NPHP3: variants seen among roughly 807,000 people sequenced by gnomAD.
The protein encoded by NPHP3 is nephrocystin-3.
A neutral mutation model predicts 171.9 loss-of-function variants in NPHP3; 123 were observed. The ratio of observed to expected loss-of-function variants is 0.72; its 90% confidence interval spans 0.62 to 0.83. NPHP3 has a LOEUF of 0.83. NPHP3 is among the 40% of genes least tolerant of loss of function. The pLI is 0.00. For synonymous variants in NPHP3, 558 were observed against 579.2 expected, an observed-to-expected ratio of 0.96 and a Z score of 0.52; for missense variants, 1,506 against 1,591.9, an observed-to-expected ratio of 0.95 and a Z score of 0.92.
At chr3:132,718,650 T>C (rs556971139) in intron 3 of NPHP3, among the ~76,000 whole-genome samples, 1 of 152,322 alleles carries the variant, frequency 6.6e-6, no homozygotes, top group African/African-American at 2.4e-5. Flanking sequence ...AGGTTGTACC[T>C]TCTGGGAAAG....
rs1413075535 is a variant in NPHP3, at chr3:132,691,252, C to T, written c.2510G>A (p.Gly837Asp). ...CCTGTATGAAGAAGTAACAGTGGGGCCTTCCAGGTACTCCAATCTCACTGT... is the reference window on the plus strand; with the variant it reads ...CCTGTATGAAGAAGTAACAGTGGGGTCTTCCAGGTACTCCAATCTCACTGT... Reference protein sequence around the residue: ...WETVRLEYLEGPTVTSSYRQK... With the variant: ...WETVRLEYLEDPTVTSSYRQK... Residue 837 changes from glycine to aspartate, a missense_variant, in exon 18 of 27, where the codon GGC (glycine) becomes GAC (aspartate). Gly to Asp is a moderately conservative substitution (Grantham distance 94, BLOSUM62 -1). This residue lies in a region of NPHP3 where 569 missense variants were observed against 648.1 expected (regional missense o/e 0.88). Coordinates refer to ENST00000337331, the MANE Select transcript of NPHP3 (RefSeq NM_153240.5). 1 of 1,613,106 alleles carries T rather than the reference C, an allele frequency of 6.2e-7. No homozygotes were observed. Among genetic ancestry groups the T allele is most frequent in the Non-Finnish European group, 8.5e-7 (1 of 1,179,388 alleles).
Position 132,719,043 on chromosome 3 carries a change from T to C in NPHP3, c.621A>G (p.Val207=), listed in dbSNP as rs139693694. ...CTGAATCAGACTCCCCAGGATCAAATACTTGGATACCCTGAGCCTGTAGCC... is the reference window on the plus strand; with the variant it reads ...CTGAATCAGACTCCCCAGGATCAAACACTTGGATACCCTGAGCCTGTAGCC... ...LQRLQAQGIQ[V]FDPGESDSDD... Residue 207 remains valine (V), a synonymous_variant, in exon 3 of 27, where the codon GTA becomes GTG. Transcript: ENST00000337331. 2.7e-5 allele frequency: 43 copies of C among 1,614,104 alleles called. No homozygotes were observed. The African/African-American group carries it at 4.7e-4, about 18-fold the overall frequency.
chr3:132,696,872 C>G, intron 14 of NPHP3, 59 bp from the exon 15 acceptor site: 1 of 1,339,818 alleles, frequency 7.5e-7, no homozygotes, highest in Non-Finnish European at 1.1e-6. Flanking sequence ...TGGAATTAAG[C>G]GGTCTTTACT....
chr3:132,710,568 C>T (rs960163487), intron 6 of NPHP3, among the ~76,000 whole-genome samples: 17 of 152,098 alleles, frequency 1.1e-4, no homozygotes, highest in African/African-American at 3.4e-4. Context: ...CTGGTCTGCC[C>T]AACAAGGGTG....
At position 132,704,503 on chromosome 3, in the gene NPHP3, C is replaced by T. The variant is rs1044218662; in HGVS notation, c.1351-132G>A. 7.2e-5 allele frequency: 55 copies of T among 767,632 alleles called. No individual in the cohort carries two copies. The Middle Eastern group carries it at 1.1e-3, about 16-fold the overall frequency. 47.6% of individuals were successfully genotyped at this position (767,632 alleles called of 1,614,324 possible). A position where few individuals can be genotyped will look rare whatever the true frequency, so the allele number is the denominator to read the frequency against. On this transcript the variant is annotated intron_variant, in intron 8 of 26. Transcript: ENST00000337331. ...TCAAACATACAGCCTTTGTATAATA[C>T]CTACAAGAATAAACTGATAACTACA...
Position 132,696,748 on chromosome 3 carries a change from GA to G in NPHP3, c.2153del (p.Phe718SerfsTer4), listed in dbSNP as rs780854041. The G allele has an allele frequency of 6.2e-7, 1 of 1,614,050 alleles. No individual in the cohort carries two copies. The highest frequency in any genetic ancestry group is 8.5e-7 in the Non-Finnish European group (1 of 1,179,944). On this transcript the variant is annotated frameshift_variant, in exon 15 of 27. Transcript: ENST00000337331. LOFTEE classifies it high-confidence loss of function. Reference sequence around the variant, plus strand: ...CCACTCACCGCGCGATCATTTTGCCGAAAAGGGTGACATAAAGGGCATTGCA... The same window carrying G: ...CCACTCACCGCGCGATCATTTTGCCGAAAGGGTGACATAAAGGGCATTGCA... ...TTCNALYVTL[F>X]GKMIARAGRA... is the part of the protein sequence containing the mutation.
In NPHP3 at chr3:132,682,011, A is replaced by G. The variant is rs772264171; in HGVS notation, c.3892T>C (p.Leu1298=). 6.2e-7 allele frequency: 1 copy of G among 1,613,946 alleles called. No homozygotes were observed. Among genetic ancestry groups the G allele is most frequent in the Non-Finnish European group, 8.5e-7 (1 of 1,179,934 alleles). ...TGGCGTGAAGGAGCTTTTCCACCCA[A>G]GAGTGATGTTTCTGCTTCTTTTATT... ...MEIKEAETSL[L]GGKAPSRHSS... is the part of the protein sequence containing the mutation. Residue 1298 remains leucine, a synonymous_variant, in exon 27 of 27, where the codon TTG becomes CTG. Coordinates refer to ENST00000337331, the MANE Select transcript of NPHP3 (RefSeq NM_153240.5).
intron 7 of NPHP3, among the ~76,000 whole-genome samples, chr3:132,707,896 GA>G (rs1939796375): frequency 6.6e-6 from 1 of 152,076 alleles, no homozygotes; most frequent in African/African-American, 2.4e-5. Flanking sequence ...CACTCCAAGT[GA>G]AAAGCTAATA....
rs1939167966 is a variant in NPHP3 at position 132,686,498 on chromosome 3, A to G, written c.3202-111T>C. Reference sequence around the variant, plus strand: ...CTTCCTTTTTTCCCATTTAATCTAGATAACTATTATTTTAAGCATCACACT... The same window carrying G: ...CTTCCTTTTTTCCCATTTAATCTAGGTAACTATTATTTTAAGCATCACACT... On this transcript the variant is annotated intron_variant, in intron 22 of 26. Coordinates refer to ENST00000337331, the MANE Select transcript of NPHP3 (RefSeq NM_153240.5). 18 of 1,214,214 alleles carry G rather than the reference A, an allele frequency of 1.5e-5. No individual in the cohort carries two copies. In the South Asian group the frequency reaches 2.3e-4, roughly 15 times the overall value. The allele number at this position is 1,214,214 out of a possible 1,614,324, so 75.2% of individuals were successfully genotyped here.
At chr3:132,688,159 A>C (rs1939208490) in intron 21 of NPHP3, among the ~76,000 whole-genome samples, 1 of 152,220 alleles carries the variant, frequency 6.6e-6, no homozygotes, top group Non-Finnish European at 1.5e-5. Context: ...TGATGGGTCA[A>C]CTCAAGCCAC....
chr3:132,689,724 A>G (rs11713538), intron 19 of NPHP3, among the ~76,000 whole-genome samples: 15,244 of 152,282 alleles, frequency 0.1, 1,524 homozygotes, highest in East Asian at 0.58. Flanking sequence ...ACTGTCACAG[A>G]GTATCTACTT....
chr3:132,690,154 A>G (rs1165480639), intron 19 of NPHP3, among the ~76,000 whole-genome samples: 2 of 152,234 alleles, frequency 1.3e-5, no homozygotes, highest in Non-Finnish European at 2.9e-5. Flanking sequence ...ATTCAACACC[A>G]GACAGATTCT....
chr3:132,707,936 C>T (rs1939797323), intron 7 of NPHP3, among the ~76,000 whole-genome samples, 165 bp downstream of exon 7: 2 of 152,162 alleles, frequency 1.3e-5, no homozygotes, highest in South Asian at 4.1e-4. Context: ...AGGTTCTTCA[C>T]AATCAATGAG....
Position 132,694,959 on chromosome 3 carries a change from C to T in NPHP3, c.2178G>A (p.Gly726=). Residue 726 remains glycine, a synonymous_variant, in exon 16 of 27, where the codon GGG becomes GGA. Coordinates refer to ENST00000337331, the MANE Select transcript of NPHP3 (RefSeq NM_153240.5). ...TLFGKMIARA[G]RAGNLDKILH... ...GGATTTTATCTAAATTGCCTGCTCT[C>T]CCAGCACTGTTGGAATCGAGAAGAG... 1 of 1,613,722 alleles carries T rather than the reference C, an allele frequency of 6.2e-7. No homozygotes were observed. Among genetic ancestry groups the T allele is most frequent in the Non-Finnish European group, 8.5e-7 (1 of 1,179,854 alleles).
At chr3:132,713,941 G>A (rs1939980432) in intron 5 of NPHP3, among the ~76,000 whole-genome samples, 1 of 152,230 alleles carries the variant, frequency 6.6e-6, no homozygotes, top group Admixed American at 6.5e-5. Flanking sequence ...AGCAGGTATA[G>A]CATGTGACAC....
chr3:132,693,255 AG>A (rs1475581282), intron 16 of NPHP3: 1 of 200,054 alleles, frequency 5.0e-6, no homozygotes, highest in African/African-American at 2.4e-5. Flanking sequence ...TTGAAGTCAG[AG>A]TGTAAAGGGC....
chr3:132,711,642 GT>G (rs1250168452), intron 6 of NPHP3, among the ~76,000 whole-genome samples: 2 of 151,918 alleles, frequency 1.3e-5, no homozygotes, highest in East Asian at 3.9e-4. Context: ...AAACAAAATG[GT>G]TTTATGGATC....
At chr3:132,701,888 T>C (rs750697708) in intron 9 of NPHP3, among the ~76,000 whole-genome samples, 3 of 151,942 alleles carry the variant, frequency 2.0e-5, no homozygotes, top group Non-Finnish European at 4.4e-5. Flanking sequence ...TAGCCGAGCG[T>C]GGTGGCGGGC....
At chr3:132,709,471 T>G (rs916698101) in intron 6 of NPHP3, among the ~76,000 whole-genome samples, 1 of 151,906 alleles carries the variant, frequency 6.6e-6, no homozygotes, top group African/African-American at 2.4e-5. Flanking sequence ...TTTGTAGAGA[T>G]GGGGTTTCAC....
Sources: allele counts gnomAD v4.1 joint callset (sites outside exome capture counted in the v4.1 genomes callset), GRCh38; gene constraint gnomAD v4.1.1; regional missense constraint gnomAD v4.1.1; transcripts MANE v1.5; gene names NCBI Gene and HGNC (gene_info 2026-07-23, HGNC 2026-07-21).